The following OR3A2 variants were observed in gnomAD, a reference collection of about 807,000 sequenced individuals.
The protein encoded by OR3A2 is olfactory receptor family 3 subfamily A member 2, also known as olfactory receptor 3A2.
For synonymous variants in OR3A2, 126 were observed against 159.3 expected, an observed-to-expected ratio of 0.79 and a Z score of 1.57; for missense variants, 318 against 392.8, an observed-to-expected ratio of 0.81 and a Z score of 1.61.
chr17:3,339,399 G>T (rs997052027), intron 2 of OR3A2, among the ~76,000 whole-genome samples: 1 of 152,196 alleles, frequency 6.6e-6, no homozygotes, highest in Non-Finnish European at 1.5e-5. Flanking sequence ...GATACTGGCT[G>T]TGGGTTTATC....
At chr17:3,318,056 A>G (rs182926666) in intron 3 of OR3A2, among the ~76,000 whole-genome samples, 1 of 152,206 alleles carries the variant, frequency 6.6e-6, no homozygotes, top group South Asian at 2.1e-4. Context: ...CCCCAGTTCA[A>G]CAGGGTCTCG....
chr17:3,286,796 T>C (rs981439302), upstream of OR3A2, among the ~76,000 whole-genome samples: 1 of 152,220 alleles, frequency 6.6e-6, no homozygotes. Context: ...TTTGTTTAAG[T>C]TCTTTGTAGA....
chr17:3,360,496 C>T lies in OR3A2; in HGVS notation c.-179+23308G>A, dbSNP rs1032399546. Among the ~76,000 whole-genome samples the T allele has an allele frequency of 1.3e-4, 19 of 151,656 alleles. 2 individuals are homozygous for T. Among genetic ancestry groups the T allele is most frequent in the African/African-American group, 4.6e-4 (19 of 40,986 alleles). On this transcript the variant is annotated intron_variant, in intron 2 of 4. Transcript: ENST00000573491. Reference sequence around the variant, plus strand: ...TTTAGACATGAAGTCCATGCCCATGCCTATGTCCTGAATGGTATTGCATAG... The same window carrying T: ...TTTAGACATGAAGTCCATGCCCATGTCTATGTCCTGAATGGTATTGCATAG...
intron 3 of OR3A2, among the ~76,000 whole-genome samples, chr17:3,317,790 C>A (rs2873612): frequency 6.6e-6 from 1 of 151,948 alleles, no homozygotes; most frequent in Non-Finnish European, 1.5e-5. Context: ...CTCTCTCTAA[C>A]AAAAGCCAGA....
chr17:3,366,863 T>C (rs1333630892), intron 2 of OR3A2, among the ~76,000 whole-genome samples: 1 of 152,194 alleles, frequency 6.6e-6, no homozygotes, highest in Non-Finnish European at 1.5e-5. Context: ...ACAGTGTTTG[T>C]GCTTTCATTG....
chr17:3,336,965 G>A (rs1470390418), intron 2 of OR3A2, among the ~76,000 whole-genome samples: 3 of 152,166 alleles, frequency 2.0e-5, no homozygotes, highest in African/African-American at 7.2e-5. Context: ...TCTTATGGAA[G>A]ATAATTACAC....
At chr17:3,282,003 G>C (rs1225420585) in intron 1 of OR3A2, among the ~76,000 whole-genome samples, 2 of 152,154 alleles carry the variant, frequency 1.3e-5, no homozygotes, top group Non-Finnish European at 2.9e-5. Context: ...AGCCTGGGAG[G>C]CATGATGATG....
chr17:3,372,192 C>T (rs1392982831), intron 2 of OR3A2, among the ~76,000 whole-genome samples: 1 of 150,206 alleles, frequency 6.7e-6, no homozygotes, highest in Non-Finnish European at 1.5e-5. Flanking sequence ...GACGGGGCAG[C>T]GGGGCAGAGG....
Position 3,311,045 on chromosome 17 carries a change from T to C in OR3A2, c.-85+24988A>G, listed in dbSNP as rs1394040462. On this transcript the variant is annotated intron_variant, in intron 3 of 4. Transcript: ENST00000573491. The surrounding 1 kb of genome is among the most constrained non-coding windows in gnomAD (Gnocchi z 4.6). ...GAAAGAAAGCCTTCTCCACGTGTAG[T>C]TCCCACCTCACTGTGGTGGGCATCT... is the stretch of plus-strand genomic sequence containing the variant. The C allele has an allele frequency of 3.7e-6, 2 of 545,570 alleles. No individual in the cohort carries two copies. Among genetic ancestry groups the C allele is most frequent in the East Asian group, 5.2e-5 (1 of 19,112 alleles). The allele number at this position is 545,570 out of a possible 1,614,324, so 33.8% of individuals were successfully genotyped here. A position where few individuals can be genotyped will look rare whatever the true frequency, so the allele number is the denominator to read the frequency against.
rs1429072041 is a variant in OR3A2, at chr17:3,306,694, A to AAAAAAAC, written c.-84-27542_-84-27541insGTTTTTT. On this transcript the variant is annotated intron_variant, in intron 3 of 4. Transcript: ENST00000573491. The stretch of plus-strand genomic sequence containing the variant: ...TACTACTCTTCAAAAAAAAAAAAAA[A>AAAAAAAC]ACCGTAACCCCTTTTATTTTCTCCA... Among the ~76,000 whole-genome samples, 1,053 of 118,176 alleles carry AAAAAAAC rather than the reference A, an allele frequency of 8.9e-3. 101 individuals are homozygous for AAAAAAAC. Among genetic ancestry groups the AAAAAAAC allele is most frequent in the African/African-American group, 0.032 (949 of 29,452 alleles). The allele number at this position is 118,176 out of a possible 152,430, so 77.5% of individuals were successfully genotyped here. A position where few individuals can be genotyped will look rare whatever the true frequency, so the allele number is the denominator to read the frequency against.
intron 3 of OR3A2, among the ~76,000 whole-genome samples, chr17:3,297,399 C>A (rs1229785454): frequency 6.6e-6 from 1 of 152,176 alleles, no homozygotes; most frequent in Non-Finnish European, 1.5e-5. Context: ...CCCTTTGATT[C>A]TGTATCTTCC....
intron 3 of OR3A2, among the ~76,000 whole-genome samples, chr17:3,328,726 C>A (rs1303711572): frequency 7.0e-6 from 1 of 142,952 alleles, no homozygotes; most frequent in Non-Finnish European, 1.5e-5. Flanking sequence ...TTTTGAAATA[C>A]GTCCCATCAA....
intron 1 of OR3A2, among the ~76,000 whole-genome samples, chr17:3,283,604 A>T (rs1314103170): frequency 6.6e-6 from 1 of 152,162 alleles, no homozygotes; most frequent in Non-Finnish European, 1.5e-5. Context: ...CTCAGGGAAG[A>T]CTTTCTGGAC....
At chr17:3,341,011 A>C (rs1177804936) in intron 2 of OR3A2, among the ~76,000 whole-genome samples, 6 of 152,076 alleles carry the variant, frequency 3.9e-5, no homozygotes, top group Non-Finnish European at 7.3e-5. Flanking sequence ...TCCCTTTACC[A>C]TTATGTAATG....
chr17:3,374,855 C>T lies in OR3A2; in HGVS notation c.-179+8949G>A, dbSNP rs555589078. Among the ~76,000 whole-genome samples, 214 of 152,266 alleles carry T rather than the reference C, an allele frequency of 1.4e-3. 1 individual carries two copies. The highest frequency in any genetic ancestry group is 4.8e-3 in the African/African-American group (199 of 41,566). ...CCAATTTGTAGTCTTTTATCCCTCA[C>T]TCCCCTCCCACCCTTTCCCCCAAGT... On this transcript the variant is annotated intron_variant, in intron 2 of 4. Transcript: ENST00000573491.
chr17:3,290,060 T>TA (rs2048851441), intron 3 of OR3A2, among the ~76,000 whole-genome samples: 3 of 152,192 alleles, frequency 2.0e-5, no homozygotes, highest in African/African-American at 7.2e-5. Flanking sequence ...CCTGACATCC[T>TA]AGGAGCACCT....
intron 3 of OR3A2, among the ~76,000 whole-genome samples, chr17:3,314,558 C>G (rs1260728718): frequency 2.0e-5 from 3 of 152,064 alleles, no homozygotes; most frequent in Admixed American, 2.0e-4. Context: ...ACGGTGATTC[C>G]CTCTGTGGAG....
At position 3,337,450 on chromosome 17, in the gene OR3A2, G is replaced by C. The variant is rs150357106; in HGVS notation, c.-178-1324C>G. On this transcript the variant is annotated intron_variant, in intron 2 of 4. Transcript: ENST00000573491. ...TCCCCCAACCCCACGAGAGGCCCCG[G>C]TGTGTGATGTTCCCCGCCCTGTGTC... Among the ~76,000 whole-genome samples, 14 of 152,158 alleles carry C rather than the reference G, an allele frequency of 9.2e-5. No homozygotes were observed. In the East Asian group the frequency reaches 2.5e-3, roughly 27 times the overall value.
intron 3 of OR3A2, among the ~76,000 whole-genome samples, chr17:3,328,724 T>C (rs1379828589): frequency 6.9e-6 from 1 of 143,984 alleles, no homozygotes; most frequent in African/African-American, 2.7e-5. Context: ...TATTTTGAAA[T>C]ACGTCCCATC....
Sources: gnomAD v4.1 joint callset for allele counts (sites outside exome capture counted in the v4.1 genomes callset) on GRCh38, gnomAD v4.1.1 for gene constraint, Gnocchi (gnomAD v3.1) non-coding constraint, MANE v1.5 for transcripts, NCBI Gene and HGNC (gene_info 2026-07-23, HGNC 2026-07-21) for gene names.